Variants in LMO4 observed in about 807,000 individuals in gnomAD.
LMO4 encodes LIM domain transcription factor LMO4.
In LMO4, 3 loss-of-function variants were observed where a neutral mutation model predicts 18.5. The ratio of observed to expected loss-of-function variants is 0.16; its 90% CI spans 0.07 to 0.42. The LOEUF is 0.42. LMO4 is among the 10% of genes least tolerant of loss of function. LMO4 has a pLI of 0.99. For missense variants in LMO4, 121 were observed against 219.9 expected (o/e 0.55, Z 2.84); for synonymous variants, 100 against 88.1 (o/e 1.14, Z -0.76).
chr1:87,340,859 A>G (rs1287378440), intron 4 of LMO4, among the ~76,000 whole-genome samples: 1 of 152,220 alleles, frequency 6.6e-6, no homozygotes, highest in Non-Finnish European at 1.5e-5. Flanking sequence ...CTTGATCCAC[A>G]ACTTGAAAAT....
intron 2 of LMO4, among the ~76,000 whole-genome samples, chr1:87,334,340 G>A (rs929929024): frequency 7.9e-5 from 12 of 152,152 alleles, no homozygotes; most frequent in African/African-American, 2.9e-4. Flanking sequence ...CTCACCAGCA[G>A]CTGAGCGCCC....
intron 2 of LMO4, among the ~76,000 whole-genome samples, chr1:87,332,834 A>G (rs1490568506): frequency 2.0e-5 from 3 of 152,226 alleles, no homozygotes; most frequent in Non-Finnish European, 4.4e-5. Context: ...GAGAAAAAAA[A>G]AGTCCCAAGA....
In LMO4 at chr1:87,348,204, C is replaced by G. The variant is rs1326362900; in HGVS notation, c.*3408C>G. ...AGTCTAGTGAAGAGTTCCCATGTAG[C>G]CTAACTAATTGTATTTAAATTGAGG... On this transcript the variant is annotated 3_prime_UTR_variant, in exon 5 of 5. Transcript: ENST00000370544. 1 of 155,400 alleles carries G rather than the reference C, an allele frequency of 6.4e-6. No homozygotes were observed. Among genetic ancestry groups the G allele is most frequent in the Non-Finnish European group, 1.4e-5 (1 of 69,870 alleles). The allele number at this position is 155,400 out of a possible 1,614,324, so 9.6% of individuals were successfully genotyped here. A position where few individuals can be genotyped will look rare whatever the true frequency, so the allele number is the denominator to read the frequency against.
chr1:87,344,059 G>A (rs1036266392), intron 4 of LMO4, among the ~76,000 whole-genome samples: 3 of 152,164 alleles, frequency 2.0e-5, no homozygotes, highest in Non-Finnish European at 2.9e-5. Context: ...CACATTGCAT[G>A]TATTGAATCA....
intron 4 of LMO4, among the ~76,000 whole-genome samples, chr1:87,342,955 T>C (rs1187516810): frequency 4.6e-5 from 7 of 152,204 alleles, no homozygotes; most frequent in African/African-American, 1.7e-4. Context: ...TTTATTATTT[T>C]CTCCTCTCTC....
intron 4 of LMO4, among the ~76,000 whole-genome samples, chr1:87,342,368 G>A (rs1026616333): frequency 3.9e-5 from 6 of 152,140 alleles, no homozygotes; most frequent in Admixed American, 3.9e-4. Context: ...AGAAAAACCA[G>A]GTTTACCTGT....
intron 2 of LMO4, among the ~76,000 whole-genome samples, chr1:87,339,069 G>C (rs1308394769): frequency 1.3e-5 from 2 of 152,172 alleles, no homozygotes; most frequent in African/African-American, 4.8e-5. Flanking sequence ...AGGTTTACGG[G>C]AGTTTCAATA....
intron 2 of LMO4, among the ~76,000 whole-genome samples, chr1:87,337,799 C>T (rs992787609): frequency 1.3e-5 from 2 of 152,182 alleles, no homozygotes; most frequent in Admixed American, 6.5e-5. Flanking sequence ...GGTGAGACAC[C>T]GGGAGGTCCT....
At chr1:87,329,410 G>T (rs1213235150) in intron 1 of LMO4, among the ~76,000 whole-genome samples, 166 bp downstream of exon 1, 1 of 152,150 alleles carries the variant, frequency 6.6e-6, no homozygotes. Context: ...TACCGAGGCC[G>T]GCCTGCGAGC....
intron 2 of LMO4, 28 bp downstream of exon 2, chr1:87,332,279 T>A: frequency 1.3e-6 from 2 of 1,565,358 alleles, no homozygotes; most frequent in Non-Finnish European, 1.8e-6. Context: ...TTCCTGGAGA[T>A]GGGGGGAAGA....
intron 2 of LMO4, among the ~76,000 whole-genome samples, chr1:87,333,952 AAAAC>A (rs1650224548): frequency 6.6e-6 from 1 of 151,990 alleles, no homozygotes; most frequent in Non-Finnish European, 1.5e-5. Context: ...CAAAAAAAAA[AAAAC>A]AAAAAACAAA....
rs1302760381 is a variant in LMO4, at chr1:87,331,626, C to A, written c.-3-387C>A. ...GGGTTTGACCCTCATTTGCTGGAGG[C>A]GGGCGGCGGAGGAGGGGAGGAGGGG... On this transcript the variant is annotated intron_variant, in intron 1 of 4. Coordinates refer to ENST00000370544, the MANE Select transcript of LMO4 (RefSeq NM_006769.4). 4.3e-5 allele frequency: 9 copies of A among 209,540 alleles called. No individual in the cohort carries two copies. In the South Asian group the frequency reaches 8.8e-4, roughly 20 times the overall value. The allele number at this position is 209,540 out of a possible 1,614,324, so 13.0% of individuals were successfully genotyped here. A position where few individuals can be genotyped will look rare whatever the true frequency, so the allele number is the denominator to read the frequency against.
chr1:87,344,057 A>G (rs557434882), intron 4 of LMO4, among the ~76,000 whole-genome samples: 1 of 152,222 alleles, frequency 6.6e-6, no homozygotes, highest in African/African-American at 2.4e-5. Context: ...AACACATTGC[A>G]TGTATTGAAT....
intron 1 of LMO4, among the ~76,000 whole-genome samples, chr1:87,329,732 A>G (rs1324244935): frequency 1.3e-5 from 2 of 152,220 alleles, no homozygotes; most frequent in African/African-American, 4.8e-5. Context: ...TTCTTGGCTT[A>G]TAAGTCTTTT....
intron 1 of LMO4, chr1:87,331,310 G>A (rs997446334): frequency 6.6e-6 from 1 of 152,138 alleles, no homozygotes; most frequent in Non-Finnish European, 1.5e-5. Flanking sequence ...CATGTGAAAG[G>A]TGCTGCTTAA....
rs1021334208 is a variant in LMO4 at position 87,347,259 on chromosome 1, T to G, written c.*2463T>G. 9.9e-5 allele frequency: 15 copies of G among 152,198 alleles called. No homozygotes were observed. The highest frequency in any genetic ancestry group is 3.1e-4 in the African/African-American group (13 of 41,446). The allele number at this position is 152,198 out of a possible 1,614,324, so 9.4% of individuals were successfully genotyped here. ...AATTGGAGAAGGACTAATGGAGCTATGAATATACAATAGAACATATTTAAG... is the reference window on the plus strand; with the variant it reads ...AATTGGAGAAGGACTAATGGAGCTAGGAATATACAATAGAACATATTTAAG... On this transcript the variant is annotated 3_prime_UTR_variant, in exon 5 of 5. Coordinates refer to ENST00000370544, the MANE Select transcript of LMO4 (RefSeq NM_006769.4).
rs1306186561 is a variant in LMO4 at position 87,340,159 on chromosome 1, A to C, written c.446A>C (p.His149Pro). The C allele has an allele frequency of 6.2e-7, 1 of 1,614,064 alleles. No homozygotes were observed. The highest frequency in any genetic ancestry group is 1.3e-5 in the African/African-American group (1 of 74,926). ...HDRPTALING[H>P]LNSLQSNPLL... ...AGACCTACAGCTCTCATCAATGGCCATTTGAATTCACTTCAGAGCAATCCA... is the reference window on the plus strand; with the variant it reads ...AGACCTACAGCTCTCATCAATGGCCCTTTGAATTCACTTCAGAGCAATCCA... Residue 149 changes from histidine (H) to proline (P), a missense_variant, in exon 4 of 5, where the codon CAT (histidine) becomes CCT (proline). His to Pro is a moderately conservative substitution (Grantham distance 77, BLOSUM62 -2). Transcript: ENST00000370544.
chr1:87,337,419 A>T (rs1304447493), intron 2 of LMO4, among the ~76,000 whole-genome samples: 1 of 152,214 alleles, frequency 6.6e-6, no homozygotes, highest in Non-Finnish European at 1.5e-5. Context: ...GAGTAATCAG[A>T]TGGGTACTGT....
At chr1:87,339,961 C>T in intron 3 of LMO4, 86 bp from the exon 4 acceptor site, 2 of 1,416,376 alleles carry the variant, frequency 1.4e-6, no homozygotes, top group Non-Finnish European at 2.0e-6. Flanking sequence ...TTGACAGATA[C>T]CTGCTTAATA....
Sources: gnomAD v4.1 joint callset for allele counts (sites outside exome capture counted in the v4.1 genomes callset) on GRCh38, gnomAD v4.1.1 for gene constraint, MANE v1.5 for transcripts, NCBI Gene and HGNC (gene_info 2026-07-23, HGNC 2026-07-21) for gene names.